PSPC1: variants seen among roughly 807,000 people sequenced by gnomAD.
PSPC1 encodes the protein paraspeckle protein 1.
PSPC1 carries 14 observed loss-of-function variants against 51.6 expected under a neutral mutation model. The observed-to-expected ratio is 0.27, with a 90% CI of 0.18 to 0.42. The LOEUF (loss-of-function observed/expected upper bound fraction) is 0.42, where lower values mean the gene tolerates loss of function less well. PSPC1 is among the 10% of genes least tolerant of loss of function. PSPC1 has a pLI of 1.00. For missense variants in PSPC1, 406 were observed against 701.1 expected (o/e 0.58, Z 4.75); for synonymous variants, 193 against 231.9 (o/e 0.83, Z 1.53).
At chr13:19,714,306 G>A (rs1012778789) in intron 6 of PSPC1, among the ~76,000 whole-genome samples, 6 of 152,116 alleles carry the variant, frequency 3.9e-5, no homozygotes, top group Middle Eastern at 3.4e-3. Flanking sequence ...AGTATTTGGC[G>A]GATATTTTCT....
chr13:19,695,139 T>C (rs1879052304), intron 6 of PSPC1, among the ~76,000 whole-genome samples: 1 of 152,190 alleles, frequency 6.6e-6, no homozygotes, highest in African/African-American at 2.4e-5. Context: ...AGAAACTGGC[T>C]GTGATAGGTT....
intron 6 of PSPC1, among the ~76,000 whole-genome samples, chr13:19,697,066 T>C (rs1593551702): frequency 6.6e-6 from 1 of 152,186 alleles, no homozygotes; most frequent in Admixed American, 6.5e-5. Context: ...TCTTATCCAA[T>C]CTACAGTGTA....
intron 6 of PSPC1, among the ~76,000 whole-genome samples, chr13:19,711,471 C>T (rs906527544): frequency 4.0e-5 from 6 of 151,702 alleles, no homozygotes; most frequent in African/African-American, 1.2e-4. Context: ...CCCGTTTCTA[C>T]TAAAAATACA....
intron 2 of PSPC1, among the ~76,000 whole-genome samples, chr13:19,765,163 A>C (rs1374144396): frequency 6.6e-6 from 1 of 151,572 alleles, no homozygotes; most frequent in East Asian, 1.9e-4. Flanking sequence ...GTCTCCAGTA[A>C]AAATTCAAAA....
At chr13:19,737,931 A>T (rs1476650915) in intron 5 of PSPC1, among the ~76,000 whole-genome samples, 1 of 152,082 alleles carries the variant, frequency 6.6e-6, no homozygotes, top group African/African-American at 2.4e-5. Context: ...ATAAAAAAAT[A>T]AAAATTAAAA....
chr13:19,699,940 A>C (rs1879703965), downstream of PSPC1, among the ~76,000 whole-genome samples: 1 of 151,976 alleles, frequency 6.6e-6, no homozygotes, highest in Non-Finnish European at 1.5e-5. Flanking sequence ...CTTAAATAAT[A>C]CCTTACTCCC....
At chr13:19,714,415 T>C (rs549573855) in intron 6 of PSPC1, among the ~76,000 whole-genome samples, 1 of 152,336 alleles carries the variant, frequency 6.6e-6, no homozygotes, top group African/African-American at 2.4e-5. Context: ...TCAGTATTTT[T>C]CTTCTGATTG....
At chr13:19,730,196 C>A in intron 6 of PSPC1, 43 bp downstream of exon 6, 2 of 1,550,692 alleles carry the variant, frequency 1.3e-6, no homozygotes, top group Non-Finnish European at 1.8e-6. Flanking sequence ...CATCATAAAC[C>A]TGAAAATATA....
At chr13:19,686,034 C>A (rs1877833348) in intron 6 of PSPC1, among the ~76,000 whole-genome samples, 1 of 152,194 alleles carries the variant, frequency 6.6e-6, no homozygotes, top group African/African-American at 2.4e-5. Flanking sequence ...GACCAAGCCA[C>A]CATCACCTCT....
Position 19,775,693 on chromosome 13 carries a change from T to A in PSPC1, c.373-3150A>T, listed in dbSNP as rs1889043488. Among the ~76,000 whole-genome samples the A allele has an allele frequency of 5.3e-5, 8 of 152,322 alleles. 1 individual carries two copies. The highest frequency in any genetic ancestry group is 1.9e-4 in the African/African-American group (8 of 41,584). The stretch of plus-strand genomic sequence containing the variant: ...AAACACCTAAAAAGAGATGGGTACT[T>A]TCTTACCTAATACATCATATAATCC... On this transcript the variant is annotated intron_variant, in intron 1 of 8. Transcript: ENST00000338910.
intron 8 of PSPC1, among the ~76,000 whole-genome samples, chr13:19,704,721 T>G (rs1880430512): frequency 6.6e-6 from 1 of 152,186 alleles, no homozygotes; most frequent in South Asian, 2.1e-4. Context: ...TTCTTGCTAC[T>G]AATATATTTA....
At chr13:19,671,883 G>C (rs1876150334), downstream of PSPC1, 1 of 1,613,884 alleles carries the variant, frequency 6.2e-7, no homozygotes, top group Non-Finnish European at 8.5e-7. Flanking sequence ...TGACCAAACA[G>C]AAGGGACTGG....
At chr13:19,729,036 A>G (rs1290347586) in intron 6 of PSPC1, among the ~76,000 whole-genome samples, 1 of 152,168 alleles carries the variant, frequency 6.6e-6, no homozygotes, top group African/African-American at 2.4e-5. Flanking sequence ...TAAAAACAGA[A>G]GCACCATCAG....
chr13:19,715,986 A>C (rs7327482), intron 6 of PSPC1, among the ~76,000 whole-genome samples: 121,841 of 151,958 alleles, frequency 0.8, 50,174 homozygotes, highest in East Asian at 0.96. Context: ...TGCACTCCAG[A>C]CTGGGCGATA....
At chr13:19,684,454 A>G (rs1173312044) in intron 6 of PSPC1, among the ~76,000 whole-genome samples, 2 of 152,228 alleles carry the variant, frequency 1.3e-5, no homozygotes, top group African/African-American at 4.8e-5. Flanking sequence ...TTAATGTATC[A>G]ATCATGTTCA....
chr13:19,779,764 G>C (rs376889436), intron 1 of PSPC1, among the ~76,000 whole-genome samples: 40,755 of 42,908 alleles, frequency 0.95, 19,673 homozygotes, highest in East Asian at 1. Flanking sequence ...CAGCCAGCCG[G>C]CCCGTCTGGG....
chr13:19,726,903 T>C (rs946020577), intron 6 of PSPC1, among the ~76,000 whole-genome samples: 2 of 152,214 alleles, frequency 1.3e-5, no homozygotes, highest in African/African-American at 4.8e-5. Flanking sequence ...CATACCTTTA[T>C]TCTCAAGTTT....
chr13:19,673,160 G>A, downstream of PSPC1: 2 of 450,790 alleles, frequency 4.4e-6, no homozygotes, highest in Admixed American at 2.4e-5. Flanking sequence ...GGGAAGATGG[G>A]GCTTAGGTAA....
chr13:19,700,571 T>A (rs947447690), downstream of PSPC1, among the ~76,000 whole-genome samples: 1 of 152,002 alleles, frequency 6.6e-6, no homozygotes, highest in Non-Finnish European at 1.5e-5. Flanking sequence ...TTACAAAATA[T>A]ACAAAAATGG....
Sources: allele counts gnomAD v4.1 joint callset (sites outside exome capture counted in the v4.1 genomes callset), GRCh38; gene constraint gnomAD v4.1.1; transcripts MANE v1.5; gene names NCBI Gene and HGNC (gene_info 2026-07-23, HGNC 2026-07-21).